The following IDH2 variants were observed in gnomAD, a reference collection of about 807,000 sequenced individuals.
IDH2 encodes isocitrate dehydrogenase [NADP], mitochondrial.
Under a neutral mutation model 50.5 loss-of-function variants are expected in IDH2, and 18 were observed. That is an observed-to-expected ratio of 0.36 (90% CI 0.25 to 0.53). The LOEUF (loss-of-function observed/expected upper bound fraction) is 0.53, where lower values mean the gene tolerates loss of function less well. Ranked by LOEUF, IDH2 falls within the 20% of genes least tolerant of loss-of-function variation. The pLI, the probability that IDH2 is intolerant of heterozygous loss-of-function variation, is 0.92. For synonymous variants in IDH2, 280 were observed against 239.8 expected, an observed-to-expected ratio of 1.17 and a Z score of -1.55; for missense variants, 518 against 610.7, an observed-to-expected ratio of 0.85 and a Z score of 1.60.
At position 90,102,315 on chromosome 15, in the gene IDH2, G is replaced by A. The variant is rs749378933; in HGVS notation, c.76C>T (p.Leu26=). Reference sequence around the variant, plus strand: ...TGCTCTTGCGAGGTGGGGGCTGTCAGGGCCGCCGGCGCCCAGGCCGGCCGC... The same window carrying A: ...TGCTCTTGCGAGGTGGGGGCTGTCAAGGCCGCCGGCGCCCAGGCCGGCCGC... The part of the protein sequence containing the change: ...GSRPAWAPAA[L]TAPTSQEQPR... Residue 26 remains leucine (L), a synonymous_variant, in exon 1 of 11, where the codon CTG becomes TTG. Transcript: ENST00000330062. 71 of 1,357,462 alleles carry A rather than the reference G, an allele frequency of 5.2e-5. No homozygotes were observed. The highest frequency in any genetic ancestry group is 1.1e-4 in the Admixed American group (4 of 38,074). 84.1% of individuals were successfully genotyped at this position (1,357,462 alleles called of 1,614,324 possible).
At chr15:90,091,318 G>A (rs1177290143) in intron 2 of IDH2, among the ~76,000 whole-genome samples, 2 of 152,342 alleles carry the variant, frequency 1.3e-5, no homozygotes, top group East Asian at 1.9e-4. Flanking sequence ...GAACGTGTGG[G>A]ATCTGGCACC....
In IDH2 at chr15:90,098,535, T is replaced by TATGTATGTATGTATGCATGC. The variant is rs1555462246; in HGVS notation, c.115+3740_115+3741insGCATGCATACATACATACAT. On this transcript the variant is annotated intron_variant, in intron 1 of 10. Coordinates refer to ENST00000330062, the MANE Select transcript of IDH2 (RefSeq NM_002168.4). The surrounding 1 kb of genome is among the most constrained non-coding windows in gnomAD (Gnocchi z 5.1). ...GTATGTATGTATGTATGCATGCATGTATGTATGTATGTATGTATGTATGTA... is the reference window on the plus strand; with the variant it reads ...GTATGTATGTATGTATGCATGCATGTATGTATGTATGTATGCATGCATGTATGTATGTATGTATGTATGTA... Among the ~76,000 whole-genome samples, 11 of 142,402 alleles carry TATGTATGTATGTATGCATGC rather than the reference T, an allele frequency of 7.7e-5. No individual in the cohort carries two copies. Among genetic ancestry groups the TATGTATGTATGTATGCATGC allele is most frequent in the African/African-American group, 2.7e-4 (10 of 36,798 alleles). The allele number at this position is 142,402 out of a possible 152,430, so 93.4% of individuals were successfully genotyped here.
intron 5 of IDH2, among the ~76,000 whole-genome samples, chr15:90,087,799 A>C (rs1431078000): frequency 1.4e-5 from 2 of 143,086 alleles, no homozygotes; most frequent in African/African-American, 2.6e-5. Context: ...TTTTTGGAAA[A>C]CACCGCCTTT....
chr15:90,089,503 T>C (rs1254622890), intron 3 of IDH2, among the ~76,000 whole-genome samples: 1 of 152,120 alleles, frequency 6.6e-6, no homozygotes, highest in Non-Finnish European at 1.5e-5. Flanking sequence ...CCCCAGTTCC[T>C]AAGGCTGTGA....
At chr15:90,095,783 C>CAG (rs557032962) in intron 1 of IDH2, among the ~76,000 whole-genome samples, 2 of 152,160 alleles carry the variant, frequency 1.3e-5, no homozygotes, top group African/African-American at 2.4e-5. Flanking sequence ...CTACAGGTAA[C>CAG]AGAGAGAGAG....
intron 1 of IDH2, among the ~76,000 whole-genome samples, chr15:90,093,314 C>T (rs1474905813): frequency 6.6e-6 from 1 of 152,248 alleles, no homozygotes; most frequent in Non-Finnish European, 1.5e-5. Context: ...CAGGCCCATG[C>T]CAAGATATTA....
intron 1 of IDH2, among the ~76,000 whole-genome samples, chr15:90,092,061 C>T (rs1259477974): frequency 6.6e-6 from 1 of 152,206 alleles, no homozygotes; most frequent in Non-Finnish European, 1.5e-5. Context: ...TGTCTTCCAG[C>T]ACCTCCAGAT....
rs1596071085 is a variant in IDH2 at position 90,083,903 on chromosome 15, A to C, written c.*363T>G. ...AGGTGCTCTGGTCTGCCCCAGGGGAACCTGCCAGCTCTAGCAGGGCCTCTG... is the reference window on the plus strand; with the variant it reads ...AGGTGCTCTGGTCTGCCCCAGGGGACCCTGCCAGCTCTAGCAGGGCCTCTG... On this transcript the variant is annotated 3_prime_UTR_variant, in exon 11 of 11. Coordinates refer to ENST00000330062, the MANE Select transcript of IDH2 (RefSeq NM_002168.4). The C allele has an allele frequency of 5.0e-6, 2 of 401,222 alleles. No individual in the cohort carries two copies. Among genetic ancestry groups the C allele is most frequent in the African/African-American group, 2.0e-5 (1 of 49,818 alleles). 24.9% of individuals were successfully genotyped at this position (401,222 alleles called of 1,614,324 possible).
chr15:90,101,708 G>A (rs1021768929), intron 1 of IDH2, among the ~76,000 whole-genome samples: 5 of 152,068 alleles, frequency 3.3e-5, no homozygotes, highest in African/African-American at 9.7e-5. Context: ...CAAACAAAAG[G>A]GGAAAATTAA....
intron 3 of IDH2, 27 bp downstream of exon 3, chr15:90,090,452 G>A: frequency 6.2e-7 from 1 of 1,611,284 alleles, no homozygotes; most frequent in Non-Finnish European, 8.5e-7. Flanking sequence ...GACCCTCCCT[G>A]GCCCGCCCAC....
In IDH2 at chr15:90,091,569, T is replaced by C; in HGVS notation, c.191A>G (p.Gln64Arg). Residue 64 changes from glutamine (Q) to arginine (R), a missense_variant, in exon 2 of 11, where the codon CAG becomes CGG. Gln to Arg is a conservative substitution (Grantham distance 43). Coordinates refer to ENST00000330062, the MANE Select transcript of IDH2 (RefSeq NM_002168.4). ...DGDEMTRIIWQFIKEKLILPH... is the reference protein window; with the variant it reads ...DGDEMTRIIWRFIKEKLILPH... ...GGGCACTACCTTCTCCTTGATGAAC[T>C]GCCAGATAATACGGGTCATCTCATC... 6.2e-7 allele frequency: 1 copy of C among 1,614,056 alleles called. No individual in the cohort carries two copies. Among genetic ancestry groups the C allele is most frequent in the Non-Finnish European group, 8.5e-7 (1 of 1,179,906 alleles).
In IDH2 at chr15:90,088,445, G is replaced by C. The variant is rs1310664391; in HGVS notation, c.592C>G (p.Pro198Ala). The change falls in exon 5 of 11, where the codon CCA (proline) becomes GCA (alanine). Residue 198 changes from proline (P) to alanine (A), a missense_variant. This residue lies in a region of IDH2 where 207 missense variants were observed against 208.6 expected (regional missense o/e 0.99). Coordinates refer to ENST00000330062, the MANE Select transcript of IDH2 (RefSeq NM_002168.4). ...RAGTFKMVFT[P>A]KDGSGVKEWE... ...TCCTTGACACCACTGCCATCTTTTG[G>C]GGTGAAGACCATTTTGAAAGTGCCG... is the stretch of plus-strand genomic sequence containing the variant. The C allele has an allele frequency of 8.7e-6, 14 of 1,614,068 alleles. No homozygotes were observed. Among genetic ancestry groups the C allele is most frequent in the East Asian group, 2.2e-5 (1 of 44,886 alleles).
At position 90,084,772 on chromosome 15, in the gene IDH2, T is replaced by G; in HGVS notation, c.1271+44A>C. 1 of 1,528,114 alleles carries G rather than the reference T, an allele frequency of 6.5e-7. No individual in the cohort carries two copies. The highest frequency in any genetic ancestry group is 1.1e-5 in the South Asian group (1 of 89,426). 94.7% of individuals were successfully genotyped at this position (1,528,114 alleles called of 1,614,324 possible). On this transcript the variant is annotated intron_variant, in intron 10 of 10. Transcript: ENST00000330062. This position sits in a 1 kb window ranked among gnomAD's most constrained non-coding sequence, Gnocchi z 5.0. ...CTTTAGGAGGGGTCCCCTGGCTTCC[T>G]CCCACATGGCCCCAGGGTCTGCCTA...
rs186368194 is a variant in IDH2 at position 90,092,258 on chromosome 15, T to C, written c.116-614A>G. 1.8e-3 allele frequency among the ~76,000 whole-genome samples: 278 copies of C among 152,170 alleles called. 1 individual carries two copies. The highest frequency in any genetic ancestry group is 6.4e-3 in the African/African-American group (264 of 41,516). ...CACCACCCTGCCACCCGTGGAAAAA[T>C]TGTCTTCCATGAAACTGGCCCCTGG... is the stretch of plus-strand genomic sequence containing the variant. On this transcript the variant is annotated intron_variant, in intron 1 of 10. Coordinates refer to ENST00000330062, the MANE Select transcript of IDH2 (RefSeq NM_002168.4).
chr15:90,098,535 T>TATGTATGTATGCATGTATGC lies in IDH2; in HGVS notation c.115+3740_115+3741insGCATACATGCATACATACAT, dbSNP rs1272169170. 7.0e-6 allele frequency among the ~76,000 whole-genome samples: 1 copy of TATGTATGTATGCATGTATGC among 142,402 alleles called. No individual in the cohort carries two copies. Among genetic ancestry groups the TATGTATGTATGCATGTATGC allele is most frequent in the South Asian group, 2.2e-4 (1 of 4,632 alleles). The allele number at this position is 142,402 out of a possible 152,430, so 93.4% of individuals were successfully genotyped here. A position where few individuals can be genotyped will look rare whatever the true frequency, so the allele number is the denominator to read the frequency against. ...GTATGTATGTATGTATGCATGCATG[T>TATGTATGTATGCATGTATGC]ATGTATGTATGTATGTATGTATGTA... On this transcript the variant is annotated intron_variant, in intron 1 of 10. Transcript: ENST00000330062. The surrounding 1 kb of genome is among the most constrained non-coding windows in gnomAD (Gnocchi z 5.1).
rs149754362 is a variant in IDH2, at chr15:90,084,842, C to G, written c.1245G>C (p.Leu415=). ...TVESGAMTKD[L]AGCIHGLSNV... ...TGCTGAGGCCGTGAATGCAGCCCGC[C>G]AGGTCCTTGGTCATGGCTCCACTCT... The change falls in exon 10 of 11, where the codon CTG becomes CTC. Residue 415 remains leucine, a synonymous_variant. Coordinates refer to ENST00000330062, the MANE Select transcript of IDH2 (RefSeq NM_002168.4). This position sits in a 1 kb window ranked among gnomAD's most constrained non-coding sequence, Gnocchi z 5.0. 1.9e-6 allele frequency: 3 copies of G among 1,614,048 alleles called. No individual in the cohort carries two copies. The highest frequency in any genetic ancestry group is 8.5e-7 in the Non-Finnish European group (1 of 1,180,006).
rs982679468 is a variant in IDH2 at position 90,102,457 on chromosome 15, T to G, written c.-67A>C. 8.5e-5 allele frequency: 78 copies of G among 922,176 alleles called. No homozygotes were observed. Among genetic ancestry groups the G allele is most frequent in the Non-Finnish European group, 1.1e-4 (77 of 714,904 alleles). The allele number at this position is 922,176 out of a possible 1,614,324, so 57.1% of individuals were successfully genotyped here. On this transcript the variant is annotated 5_prime_UTR_variant, in exon 1 of 11. Transcript: ENST00000330062. Reference sequence around the variant, plus strand: ...GCGCGCGCCGCTCCTCCCGGCTGCCTGGCCGCGGGCTAACGCTGGGCCTGG... The same window carrying G: ...GCGCGCGCCGCTCCTCCCGGCTGCCGGGCCGCGGGCTAACGCTGGGCCTGG...
At chr15:90,090,764 G>A (rs1259457688) in intron 2 of IDH2, 120 bp from the exon 3 acceptor site, 13 of 1,053,906 alleles carry the variant, frequency 1.2e-5, no homozygotes, top group Non-Finnish European at 1.9e-5. Flanking sequence ...AGGGATGAGT[G>A]AAGGCCAGTG....
chr15:90,093,870 T>G lies in IDH2; in HGVS notation c.116-2226A>C, dbSNP rs1435336392. On this transcript the variant is annotated intron_variant, in intron 1 of 10. Transcript: ENST00000330062. Reference sequence around the variant, plus strand: ...CCTAGCCTCAGGTGATCCACCCACTTTGGCCTCCCAAAGTGCTGGGATTAC... The same window carrying G: ...CCTAGCCTCAGGTGATCCACCCACTGTGGCCTCCCAAAGTGCTGGGATTAC... Among the ~76,000 whole-genome samples, 3 of 151,660 alleles carry G rather than the reference T, an allele frequency of 2.0e-5. No homozygotes were observed. The East Asian group carries it at 5.8e-4, about 29-fold the overall frequency.
Sources: allele counts gnomAD v4.1 joint callset (sites outside exome capture counted in the v4.1 genomes callset), GRCh38; gene constraint gnomAD v4.1.1; regional missense constraint gnomAD v4.1.1; non-coding constraint Gnocchi (gnomAD v3.1); transcripts MANE v1.5; gene names NCBI Gene and HGNC (gene_info 2026-07-23, HGNC 2026-07-21).